MSRA: variants seen among roughly 807,000 people sequenced by gnomAD.
MSRA encodes the protein mitochondrial peptide methionine sulfoxide reductase.
In MSRA, 54 loss-of-function variants were observed where a neutral mutation model predicts 31.3. The ratio of observed to expected loss-of-function variants is 1.73; its 90% CI spans 1.39 to 2.17. MSRA has a LOEUF of 2.17. Ranked by LOEUF, MSRA falls within the 30% of genes most tolerant of loss-of-function variation. MSRA has a pLI of 0.00. For synonymous variants in MSRA, 169 were observed against 116.5 expected (o/e 1.45, Z -2.90); for missense variants, 507 against 300.9 (o/e 1.69, Z -5.07).
intron 4 of MSRA, among the ~76,000 whole-genome samples, chr8:10,317,440 C>T (rs1801790274): frequency 6.6e-6 from 1 of 152,162 alleles, no homozygotes; most frequent in African/African-American, 2.4e-5. Flanking sequence ...TCCTCTGCTT[C>T]CTCTGGCTCT....
intron 1 of MSRA, among the ~76,000 whole-genome samples, chr8:10,110,612 C>A (rs1250968198): frequency 1.3e-5 from 2 of 152,196 alleles, no homozygotes; most frequent in Non-Finnish European, 1.5e-5. Flanking sequence ...TTAAATATTA[C>A]CTAGAAAATC....
chr8:10,358,287 C>T (rs919813382), intron 5 of MSRA, among the ~76,000 whole-genome samples: 9 of 152,112 alleles, frequency 5.9e-5, no homozygotes, highest in Admixed American at 1.3e-4. Flanking sequence ...TAGAATATCC[C>T]GTAATTATTA....
chr8:10,332,695 T>C (rs2129144830), intron 5 of MSRA, among the ~76,000 whole-genome samples: 1 of 152,336 alleles, frequency 6.6e-6, no homozygotes, highest in South Asian at 2.1e-4. Flanking sequence ...CATTTCCACT[T>C]ATTACTGTGT....
intron 3 of MSRA, among the ~76,000 whole-genome samples, chr8:10,252,741 A>G (rs763648053): frequency 6.6e-6 from 1 of 152,186 alleles, no homozygotes; most frequent in Non-Finnish European, 1.5e-5. Context: ...TACATATAAT[A>G]AGCTGGTACG....
chr8:10,100,054 A>G (rs1799431092), intron 1 of MSRA, among the ~76,000 whole-genome samples: 3 of 152,208 alleles, frequency 2.0e-5, no homozygotes, highest in Admixed American at 2.0e-4. Context: ...CCCAGCAAGC[A>G]GCTTCAGTCC....
chr8:10,371,797 C>T (rs957518543), intron 5 of MSRA, among the ~76,000 whole-genome samples: 1 of 152,174 alleles, frequency 6.6e-6, no homozygotes, highest in African/African-American at 2.4e-5. Context: ...AGGACTGTGG[C>T]GCATCCATCT....
chr8:10,321,723 G>A (rs1449176835), intron 5 of MSRA, among the ~76,000 whole-genome samples: 1 of 152,254 alleles, frequency 6.6e-6, no homozygotes, highest in African/African-American at 2.4e-5. Flanking sequence ...CAGTTGCCAC[G>A]TCATGAAGCA....
intron 1 of MSRA, among the ~76,000 whole-genome samples, chr8:10,124,785 A>G (rs1801384306): frequency 2.1e-5 from 3 of 146,182 alleles, no homozygotes; most frequent in Admixed American, 7.0e-5. Context: ...TATGGATTAG[A>G]TATGAATTCA....
intron 1 of MSRA, among the ~76,000 whole-genome samples, chr8:10,111,989 T>C (rs1800325545): frequency 6.6e-6 from 1 of 152,182 alleles, no homozygotes; most frequent in Non-Finnish European, 1.5e-5. Flanking sequence ...GTGAGATTTA[T>C]TTACCAGAAG....
At chr8:10,058,905 A>G (rs1802548255) in intron 1 of MSRA, 1 of 152,188 alleles carries the variant, frequency 6.6e-6, no homozygotes, top group Admixed American at 6.5e-5. Context: ...CAAACCTTTA[A>G]ACTTCTTAAT....
intron 5 of MSRA, among the ~76,000 whole-genome samples, chr8:10,339,509 A>G (rs1255851190): frequency 7.0e-6 from 1 of 143,698 alleles, no homozygotes; most frequent in African/African-American, 2.6e-5. Flanking sequence ...ATTCCCTGTT[A>G]AGCAAGGGGT....
At chr8:10,191,481 A>T (rs1807500165) in intron 1 of MSRA, among the ~76,000 whole-genome samples, 1 of 152,244 alleles carries the variant, frequency 6.6e-6, no homozygotes, top group Non-Finnish European at 1.5e-5. Context: ...GCAAGTAGCA[A>T]TCCCCTGGAT....
At chr8:10,325,247 T>G (rs1316624409) in intron 5 of MSRA, among the ~76,000 whole-genome samples, 1 of 152,150 alleles carries the variant, frequency 6.6e-6, no homozygotes, top group African/African-American at 2.4e-5. Flanking sequence ...AAAACACAGT[T>G]CAATTTTAGC....
chr8:10,187,275 G>T (rs1476398770), intron 1 of MSRA, among the ~76,000 whole-genome samples: 8 of 152,164 alleles, frequency 5.3e-5, no homozygotes, highest in Non-Finnish European at 7.4e-5. Context: ...GTCTTGAAGG[G>T]TTTCCTTTTT....
intron 5 of MSRA, among the ~76,000 whole-genome samples, chr8:10,372,458 A>G (rs1416691295): frequency 1.3e-5 from 2 of 152,198 alleles, no homozygotes; most frequent in Non-Finnish European, 1.5e-5. Context: ...CCATTCAGTA[A>G]TGTTATGAGT....
intron 1 of MSRA, among the ~76,000 whole-genome samples, chr8:10,188,265 T>C (rs1807222795): frequency 6.6e-6 from 1 of 152,208 alleles, no homozygotes; most frequent in Admixed American, 6.5e-5. Context: ...CTTTTTTTGG[T>C]GTAAGTTCTA....
chr8:10,295,143 A>G (rs1353310823), intron 3 of MSRA, among the ~76,000 whole-genome samples: 1 of 151,966 alleles, frequency 6.6e-6, no homozygotes, highest in East Asian at 1.9e-4. Context: ...CTCTTTGCCT[A>G]CTGTGTTTGG....
chr8:10,396,287 CTCCCCTCCTTACT>C (rs1807094768), intron 5 of MSRA, among the ~76,000 whole-genome samples: 1 of 152,244 alleles, frequency 6.6e-6, no homozygotes, highest in Non-Finnish European at 1.5e-5. Flanking sequence ...CCAACATCCT[CTCCCCTCCTTACT>C]TCTTTTTTAT....
intron 1 of MSRA, among the ~76,000 whole-genome samples, chr8:10,135,561 C>G (rs1448415489): frequency 2.0e-5 from 3 of 152,132 alleles, no homozygotes; most frequent in Admixed American, 6.6e-5. Flanking sequence ...CATGATGACA[C>G]TTAAATTTAT....
Sources: gnomAD v4.1 joint callset for allele counts (sites outside exome capture counted in the v4.1 genomes callset) on GRCh38, gnomAD v4.1.1 for gene constraint, MANE v1.5 for transcripts, NCBI Gene and HGNC (gene_info 2026-07-23, HGNC 2026-07-21) for gene names.